AKAP13: variants seen among roughly 807,000 people sequenced by gnomAD.
The protein encoded by AKAP13 is A-kinase anchor protein 13.
Under a neutral mutation model 264.5 loss-of-function variants are expected in AKAP13, and 80 were observed. The ratio of observed to expected loss-of-function variants is 0.30; its 90% confidence interval spans 0.25 to 0.36. The LOEUF (loss-of-function observed/expected upper bound fraction) is 0.36. Ranked by LOEUF, AKAP13 falls within the 10% of genes least tolerant of loss-of-function variation. The pLI, the probability that AKAP13 is intolerant of heterozygous loss-of-function variation, is 1.00. For missense variants in AKAP13, 3,712 were observed against 3,435.2 expected, an observed-to-expected ratio of 1.08 and a Z score of -2.01; for synonymous variants, 1,380 against 1,250.2, an observed-to-expected ratio of 1.10 and a Z score of -2.19.
intron 1 of AKAP13, among the ~76,000 whole-genome samples, chr15:85,445,558 T>C (rs184811801): frequency 8.1e-4 from 123 of 152,362 alleles, no homozygotes; most frequent in African/African-American, 2.9e-3. Flanking sequence ...GTAGTTTATA[T>C]GACAGCGTGC....
intron 13 of AKAP13, among the ~76,000 whole-genome samples, chr15:85,667,764 T>G (rs2083683963): frequency 6.6e-6 from 1 of 152,168 alleles, no homozygotes; most frequent in African/African-American, 2.4e-5. Context: ...TTTTTCCAGG[T>G]TTTTGGAGTA....
intron 1 of AKAP13, among the ~76,000 whole-genome samples, chr15:85,434,481 G>A (rs1219113425): frequency 1.3e-5 from 2 of 152,208 alleles, no homozygotes; most frequent in Non-Finnish European, 2.9e-5. Flanking sequence ...AGCTCAAGAA[G>A]GCCTGCCTGC....
intron 16 of AKAP13, among the ~76,000 whole-genome samples, chr15:85,692,491 G>A (rs1215918778): frequency 2.0e-5 from 3 of 149,118 alleles, no homozygotes; most frequent in Admixed American, 6.6e-5. Context: ...AGTGGTGGTG[G>A]TGGTGATGGT....
In AKAP13 at chr15:85,744,839, T is replaced by G. The variant is rs763584285; in HGVS notation, c.*162T>G. The G allele has an allele frequency of 3.4e-6, 2 of 587,298 alleles. No individual in the cohort carries two copies. The highest frequency in any genetic ancestry group is 7.0e-5 in the Admixed American group (2 of 28,698). The allele number at this position is 587,298 out of a possible 1,614,324, so 36.4% of individuals were successfully genotyped here. On this transcript the variant is annotated 3_prime_UTR_variant, in exon 37 of 37. Coordinates refer to ENST00000394518, the MANE Select transcript of AKAP13 (RefSeq NM_007200.5). ...CCTGGACAATAAGCAACAGATGATATTGAGTGTCGGGTGGGGAAGGAGGCC... is the reference window on the plus strand; with the variant it reads ...CCTGGACAATAAGCAACAGATGATAGTGAGTGTCGGGTGGGGAAGGAGGCC...
chr15:85,718,264 T>C lies in AKAP13; in HGVS notation c.6001+105T>C. The C allele has an allele frequency of 7.4e-7, 1 of 1,359,790 alleles. No individual in the cohort carries two copies. The highest frequency in any genetic ancestry group is 1.0e-6 in the Non-Finnish European group (1 of 991,502). The allele number at this position is 1,359,790 out of a possible 1,614,324, so 84.2% of individuals were successfully genotyped here. On this transcript the variant is annotated intron_variant, in intron 22 of 36. Transcript: ENST00000394518. The surrounding 1 kb of genome is among the most constrained non-coding windows in gnomAD (Gnocchi z 4.9). ...AAAATCAGTTTTTTAGTATGTGGCTTCTTGAAAAGATTTCCTTTAAAAACT... is the reference window on the plus strand; with the variant it reads ...AAAATCAGTTTTTTAGTATGTGGCTCCTTGAAAAGATTTCCTTTAAAAACT...
At chr15:85,516,085 T>C (rs1364503291) in intron 2 of AKAP13, among the ~76,000 whole-genome samples, 1 of 152,226 alleles carries the variant, frequency 6.6e-6, no homozygotes, top group South Asian at 2.1e-4. Context: ...ATTAAAGTTT[T>C]GGTGTCTCCC....
chr15:85,609,162 A>G (rs749303002), intron 8 of AKAP13, among the ~76,000 whole-genome samples: 5 of 152,212 alleles, frequency 3.3e-5, no homozygotes, highest in African/African-American at 4.8e-5. Context: ...AGTTTGAAAT[A>G]TACAATATAT....
At chr15:85,393,726 C>G (rs1442372834) in intron 1 of AKAP13, among the ~76,000 whole-genome samples, 2 of 152,006 alleles carry the variant, frequency 1.3e-5, no homozygotes, top group Non-Finnish European at 2.9e-5. Context: ...AAGTTTGCTT[C>G]TCTCAAGTCA....
At chr15:85,431,418 A>G (rs1026942295) in intron 1 of AKAP13, among the ~76,000 whole-genome samples, 1 of 152,258 alleles carries the variant, frequency 6.6e-6, no homozygotes, top group African/African-American at 2.4e-5. Flanking sequence ...AAACAAGGGT[A>G]GTGGTAGTAC....
chr15:85,506,563 A>G (rs1351665738), intron 2 of AKAP13, among the ~76,000 whole-genome samples: 1 of 151,918 alleles, frequency 6.6e-6, no homozygotes, highest in Non-Finnish European at 1.5e-5. Flanking sequence ...ATACATGAAT[A>G]AATACGTGTC....
intron 5 of AKAP13, among the ~76,000 whole-genome samples, chr15:85,562,233 G>C (rs2078406565): frequency 6.6e-6 from 1 of 152,092 alleles, no homozygotes; most frequent in Non-Finnish European, 1.5e-5. Flanking sequence ...ATAGAAACCA[G>C]TATTTAATGA....
chr15:85,742,885 G>A (rs779304946), intron 35 of AKAP13, among the ~76,000 whole-genome samples: 1 of 152,098 alleles, frequency 6.6e-6, no homozygotes, highest in Admixed American at 6.6e-5. Context: ...TATATTGGGG[G>A]TGGGGAGCAG....
intron 1 of AKAP13, among the ~76,000 whole-genome samples, chr15:85,442,476 TATATAATATATATA>T (rs1158553381): frequency 8.4e-6 from 1 of 119,418 alleles, no homozygotes; most frequent in Non-Finnish European, 1.7e-5. Flanking sequence ...TAATATATAT[TATATAATATATATA>T]ATATATATTA....
At position 85,722,227 on chromosome 15, in the gene AKAP13, C is replaced by T; in HGVS notation, c.6379-3C>T. 1 of 1,612,182 alleles carries T rather than the reference C, an allele frequency of 6.2e-7. No individual in the cohort carries two copies. The highest frequency in any genetic ancestry group is 8.5e-7 in the Non-Finnish European group (1 of 1,178,974). ...TCCTCACAGTCTGTTTACTCCCTTG[C>T]AGAAGAAGATGAGCAGTTCAGTTGT... On this transcript the variant is annotated splice_polypyrimidine_tract_variant and splice_region_variant and intron_variant, in intron 24 of 36. Transcript: ENST00000394518.
Position 85,723,329 on chromosome 15 carries a change from T to G in AKAP13, c.6745+9T>G. On this transcript the variant is annotated intron_variant, in intron 26 of 36. Transcript: ENST00000394518. ...AGCAGGAAGGTTGAAAGGTAAGGCT[T>G]GGCTCTTTTGTCTTAAGTATGTGCC... The G allele has an allele frequency of 6.2e-7, 1 of 1,613,330 alleles. No homozygotes were observed. The highest frequency in any genetic ancestry group is 8.5e-7 in the Non-Finnish European group (1 of 1,179,410).
intron 8 of AKAP13, among the ~76,000 whole-genome samples, chr15:85,634,658 G>A (rs1344290621): frequency 1.3e-5 from 2 of 152,102 alleles, no homozygotes; most frequent in Admixed American, 1.3e-4. Context: ...TTTAAATTGT[G>A]TAATCACTAC....
chr15:85,689,238 G>GTA (rs2085124579), intron 16 of AKAP13, among the ~76,000 whole-genome samples: 2 of 152,180 alleles, frequency 1.3e-5, no homozygotes, highest in Admixed American at 6.5e-5. Context: ...CCTGTGGTCT[G>GTA]TATAAAAAAG....
chr15:85,612,054 T>A (rs983539138), intron 8 of AKAP13, among the ~76,000 whole-genome samples: 2 of 152,236 alleles, frequency 1.3e-5, no homozygotes, highest in African/African-American at 4.8e-5. Context: ...AATAGTTGCC[T>A]AATGATTAAA....
At chr15:85,541,060 A>T (rs1248768521) in intron 4 of AKAP13, among the ~76,000 whole-genome samples, 1 of 152,252 alleles carries the variant, frequency 6.6e-6, no homozygotes, top group East Asian at 1.9e-4. Context: ...AAAGTGGCAC[A>T]AAAGAACTTT....
Sources: allele counts gnomAD v4.1 joint callset (sites outside exome capture counted in the v4.1 genomes callset), GRCh38; gene constraint gnomAD v4.1.1; non-coding constraint Gnocchi (gnomAD v3.1); transcripts MANE v1.5; gene names NCBI Gene and HGNC (gene_info 2026-07-23, HGNC 2026-07-21).